NALF1: variants seen among roughly 807,000 people sequenced by gnomAD.
NALF1 encodes family with sequence similarity 155 member A.
NALF1 carries 3 observed loss-of-function variants against 48.4 expected under a neutral mutation model. The observed-to-expected ratio is 0.06, with a 90% CI of 0.03 to 0.16. The LOEUF (loss-of-function observed/expected upper bound fraction) is 0.16. Among genes scored for constraint, NALF1 ranks in the 10% least tolerant of loss-of-function variants. The pLI, the probability that NALF1 is intolerant of heterozygous loss-of-function variation, is 1.00. For missense variants in NALF1, 526 were observed against 571.5 expected (o/e 0.92, Z 0.81); for synonymous variants, 262 against 245.7 (o/e 1.07, Z -0.62).
At chr13:107,771,551 C>T (rs1409306360) in intron 1 of NALF1, among the ~76,000 whole-genome samples, 1 of 150,366 alleles carries the variant, frequency 6.7e-6, no homozygotes, top group African/African-American at 2.4e-5. Context: ...GTGTCAGAGG[C>T]GTTCGAACCA....
chr13:107,644,642 CATACATATAT>C (rs1006503619), intron 1 of NALF1, among the ~76,000 whole-genome samples: 21 of 92,252 alleles, frequency 2.3e-4, no homozygotes, highest in South Asian at 7.8e-4. Flanking sequence ...TACATACATA[CATACATATAT>C]ATATATATAT....
chr13:107,261,741 T>C (rs1326050257), intron 1 of NALF1, among the ~76,000 whole-genome samples: 1 of 152,170 alleles, frequency 6.6e-6, no homozygotes, highest in Non-Finnish European at 1.5e-5. Context: ...ACAGGGGCAG[T>C]AGCCACTGAT....
intron 1 of NALF1, among the ~76,000 whole-genome samples, chr13:107,288,779 C>T (rs768835470): frequency 6.6e-6 from 1 of 151,892 alleles, no homozygotes; most frequent in African/African-American, 2.4e-5. Flanking sequence ...GTGATCCACT[C>T]GCCTCGGCCT....
At chr13:107,565,315 G>T (rs1429194430) in intron 1 of NALF1, among the ~76,000 whole-genome samples, 2 of 147,872 alleles carry the variant, frequency 1.4e-5, no homozygotes, top group African/African-American at 5.0e-5. Context: ...AGACCAGGAA[G>T]TCAAGGCTCC....
intron 1 of NALF1, among the ~76,000 whole-genome samples, chr13:107,637,704 A>G (rs777351077): frequency 1.3e-5 from 2 of 152,136 alleles, no homozygotes; most frequent in Non-Finnish European, 2.9e-5. Context: ...GTTGGAACCA[A>G]AAGTATGCAA....
chr13:107,702,979 C>A (rs1881860189), intron 1 of NALF1, among the ~76,000 whole-genome samples: 1 of 152,128 alleles, frequency 6.6e-6, no homozygotes, highest in African/African-American at 2.4e-5. Context: ...CACGTCTTTG[C>A]TATTGTGAAC....
Position 107,612,400 on chromosome 13 carries a change from G to A in NALF1, c.915+253282C>T, listed in dbSNP as rs2391463. ...TGCAATATACATTTAAATGTGATTG[G>A]GGGTGTGATTCTTCATTTTATACGT... On this transcript the variant is annotated intron_variant, in intron 1 of 2. Coordinates refer to ENST00000375915, the MANE Select transcript of NALF1 (RefSeq NM_001080396.3). 0.02 allele frequency among the ~76,000 whole-genome samples: 3,114 copies of A among 152,038 alleles called. 214 individuals are homozygous for A. In the East Asian group the frequency reaches 0.26, roughly 13 times the overall value.
chr13:107,262,505 T>C lies in NALF1; in HGVS notation c.916-51750A>G, dbSNP rs745874991. Among the ~76,000 whole-genome samples, 8 of 152,158 alleles carry C rather than the reference T, an allele frequency of 5.3e-5. No individual in the cohort carries two copies. In the East Asian group the frequency reaches 5.8e-4, roughly 11 times the overall value. On this transcript the variant is annotated intron_variant, in intron 1 of 2. Coordinates refer to ENST00000375915, the MANE Select transcript of NALF1 (RefSeq NM_001080396.3). Reference sequence around the variant, plus strand: ...TATACTATACATCAAACCAAAACAATAGTCATCTCCACGTATCTGTTTCTC... The same window carrying C: ...TATACTATACATCAAACCAAAACAACAGTCATCTCCACGTATCTGTTTCTC...
chr13:107,459,814 C>CA lies in NALF1; in HGVS notation c.916-249060dup, dbSNP rs1375345524. On this transcript the variant is annotated intron_variant, in intron 1 of 2. Coordinates refer to ENST00000375915, the MANE Select transcript of NALF1 (RefSeq NM_001080396.3). ...GGAGTGCAGTGGTGTGATCTCCACT[C>CA]ACTGCAGCCTCGACCTCCCAAGGCT... Among the ~76,000 whole-genome samples, 8 of 152,228 alleles carry CA rather than the reference C, an allele frequency of 5.3e-5. No individual in the cohort carries two copies. The East Asian group carries it at 1.5e-3, about 29-fold the overall frequency.
chr13:107,340,297 C>A (rs141634077), intron 1 of NALF1, among the ~76,000 whole-genome samples: 1 of 151,686 alleles, frequency 6.6e-6, no homozygotes, highest in Non-Finnish European at 1.5e-5. Flanking sequence ...CCCACCAACA[C>A]GCCCGGCTAA....
intron 1 of NALF1, among the ~76,000 whole-genome samples, chr13:107,273,786 C>T (rs1309843627): frequency 6.6e-6 from 1 of 152,044 alleles, no homozygotes; most frequent in African/African-American, 2.4e-5. Context: ...ACAGGGTTGG[C>T]CTTTCTGAGA....
At chr13:107,758,099 A>G (rs995731742) in intron 1 of NALF1, among the ~76,000 whole-genome samples, 1 of 152,198 alleles carries the variant, frequency 6.6e-6, no homozygotes, top group African/African-American at 2.4e-5. Context: ...ACATCAAAAT[A>G]TATCTCCTCT....
intron 1 of NALF1, among the ~76,000 whole-genome samples, chr13:107,701,407 T>G (rs943283686): frequency 6.6e-6 from 1 of 152,116 alleles, no homozygotes; most frequent in African/African-American, 2.4e-5. Flanking sequence ...AAGCCAGATA[T>G]CCAAAGAAAA....
intron 1 of NALF1, among the ~76,000 whole-genome samples, chr13:107,812,100 C>T (rs1211651034): frequency 1.3e-5 from 2 of 152,010 alleles, no homozygotes; most frequent in African/African-American, 4.8e-5. Context: ...TTATTAATAG[C>T]AGCATTTTAA....
At chr13:107,760,809 C>T (rs1397861610) in intron 1 of NALF1, among the ~76,000 whole-genome samples, 1 of 152,144 alleles carries the variant, frequency 6.6e-6, no homozygotes, top group African/African-American at 2.4e-5. Flanking sequence ...ATCAATTATA[C>T]CCCATTTCCT....
intron 1 of NALF1, among the ~76,000 whole-genome samples, chr13:107,650,913 C>T (rs1319444919): frequency 1.3e-5 from 2 of 151,018 alleles, no homozygotes; most frequent in African/African-American, 2.4e-5. Context: ...GAGACACTGG[C>T]GTCTACTTGA....
chr13:107,297,056 C>T (rs1363845943), intron 1 of NALF1, among the ~76,000 whole-genome samples: 15 of 151,804 alleles, frequency 9.9e-5, no homozygotes, highest in Admixed American at 9.2e-4. Context: ...TCATATTCTA[C>T]TGGAGCCGTG....
At chr13:107,331,675 C>A (rs1450576050) in intron 1 of NALF1, among the ~76,000 whole-genome samples, 1 of 151,794 alleles carries the variant, frequency 6.6e-6, no homozygotes, top group African/African-American at 2.4e-5. Flanking sequence ...TACTTTATCA[C>A]GAAATAACAA....
chr13:107,823,093 G>A (rs73587793), intron 1 of NALF1, among the ~76,000 whole-genome samples: 5,352 of 152,250 alleles, frequency 0.035, 345 homozygotes, highest in African/African-American at 0.12. Flanking sequence ...TAGTTTTACT[G>A]TAACAGTTCA....
Sources: allele counts gnomAD v4.1 joint callset (sites outside exome capture counted in the v4.1 genomes callset), GRCh38; gene constraint gnomAD v4.1.1; transcripts MANE v1.5; gene names NCBI Gene and HGNC (gene_info 2026-07-23, HGNC 2026-07-21).